TAFA4: variants seen among roughly 807,000 people sequenced by gnomAD.
TAFA4 encodes TAFA chemokine like family member 4.
TAFA4 carries 20 observed loss-of-function variants against 21.1 expected under a neutral mutation model. The observed-to-expected ratio is 0.95, with a 90% CI of 0.67 to 1.38. The LOEUF (loss-of-function observed/expected upper bound fraction) is 1.38. Among genes scored for constraint, TAFA4 ranks in the 40% most tolerant of loss-of-function variants. TAFA4 has a pLI of 0.00. For synonymous variants in TAFA4, 71 were observed against 67.4 expected (o/e 1.05, Z -0.26); for missense variants, 211 against 180.9 (o/e 1.17, Z -0.95).
intron 3 of TAFA4, among the ~76,000 whole-genome samples, chr3:68,822,986 T>C (rs1704145845): frequency 6.6e-6 from 1 of 152,192 alleles, no homozygotes; most frequent in African/African-American, 2.4e-5. Flanking sequence ...CCCAAATGAA[T>C]AGGAGCAGTC....
intron 3 of TAFA4, among the ~76,000 whole-genome samples, chr3:68,820,968 A>G (rs184486016): frequency 6.6e-6 from 1 of 152,356 alleles, no homozygotes; most frequent in East Asian, 1.9e-4. Context: ...AACTGTGTTT[A>G]TGCTGTACCA....
intron 1 of TAFA4, among the ~76,000 whole-genome samples, chr3:68,905,468 G>T (rs1413409714): frequency 6.6e-6 from 1 of 151,790 alleles, no homozygotes; most frequent in African/African-American, 2.4e-5. Context: ...GCGCCCGGCC[G>T]GTCTCTGCTT....
intron 3 of TAFA4, among the ~76,000 whole-genome samples, chr3:68,755,174 C>T (rs1410672914): frequency 1.3e-5 from 2 of 152,162 alleles, no homozygotes; most frequent in Non-Finnish European, 2.9e-5. Flanking sequence ...TTTATATCTC[C>T]CATCACCAAC....
chr3:68,737,081 G>C (rs984381566), intron 5 of TAFA4, among the ~76,000 whole-genome samples: 2 of 152,084 alleles, frequency 1.3e-5, no homozygotes, highest in African/African-American at 4.8e-5. Context: ...GTTCTACCAA[G>C]AGAACTACAG....
chr3:68,734,694 T>C (rs1426389873), intron 5 of TAFA4, among the ~76,000 whole-genome samples: 1 of 152,130 alleles, frequency 6.6e-6, no homozygotes, highest in Non-Finnish European at 1.5e-5. Flanking sequence ...TGTCTCCCTT[T>C]GCCTTAGTTT....
intron 3 of TAFA4, among the ~76,000 whole-genome samples, chr3:68,869,153 A>C (rs567275286): frequency 3.3e-5 from 5 of 152,166 alleles, no homozygotes; most frequent in African/African-American, 1.2e-4. Flanking sequence ...GCCAAGATTA[A>C]ACCAGGAAGA....
intron 4 of TAFA4, among the ~76,000 whole-genome samples, chr3:68,745,656 T>C (rs770000785): frequency 3.3e-5 from 5 of 152,378 alleles, no homozygotes; most frequent in Non-Finnish European, 5.9e-5. Flanking sequence ...ACATTTTCCT[T>C]ACTCTCTATT....
chr3:68,799,704 G>A (rs954436325), intron 3 of TAFA4, among the ~76,000 whole-genome samples: 9 of 152,172 alleles, frequency 5.9e-5, no homozygotes, highest in East Asian at 1.9e-4. Context: ...GAGAGGCCAC[G>A]TGCTAAGGAA....
chr3:68,827,464 G>A (rs1189759044), intron 3 of TAFA4, among the ~76,000 whole-genome samples: 2 of 152,194 alleles, frequency 1.3e-5, no homozygotes, highest in African/African-American at 4.8e-5. Context: ...TTGCCACACT[G>A]TCTTCCACAA....
chr3:68,735,091 C>T (rs552685752), intron 5 of TAFA4, among the ~76,000 whole-genome samples: 1 of 152,082 alleles, frequency 6.6e-6, no homozygotes, highest in African/African-American at 2.4e-5. Context: ...CATCAGGGTA[C>T]CCTGAGCATT....
At chr3:68,882,324 TA>T (rs11395664) in intron 2 of TAFA4, among the ~76,000 whole-genome samples, 176 of 146,530 alleles carry the variant, frequency 1.2e-3, no homozygotes, top group Middle Eastern at 3.5e-3. Context: ...ATCTGTGCTT[TA>T]AAAAAAAAAA....
intron 3 of TAFA4, among the ~76,000 whole-genome samples, chr3:68,855,464 C>T (rs1422552937): frequency 2.0e-5 from 3 of 151,968 alleles, no homozygotes; most frequent in East Asian, 1.9e-4. Flanking sequence ...ATTTAGCAAA[C>T]CCAAAATGCC....
chr3:68,800,320 G>A (rs530472499), intron 3 of TAFA4, among the ~76,000 whole-genome samples: 95 of 152,238 alleles, frequency 6.2e-4, no homozygotes, highest in African/African-American at 2.2e-3. Context: ...CCAGCACTAT[G>A]AGATGATAAA....
intron 5 of TAFA4, among the ~76,000 whole-genome samples, chr3:68,733,651 C>T (rs893976033): frequency 1.3e-5 from 2 of 152,050 alleles, no homozygotes; most frequent in Non-Finnish European, 2.9e-5. Context: ...GACATCCAGG[C>T]TCATTGCTTG....
intron 4 of TAFA4, among the ~76,000 whole-genome samples, chr3:68,748,262 T>C (rs1416440150): frequency 3.3e-5 from 5 of 152,242 alleles, no homozygotes; most frequent in Non-Finnish European, 4.4e-5. Flanking sequence ...CAAAGTGTTT[T>C]GGCAAAATCC....
At chr3:68,903,850 T>A (rs887108710) in intron 1 of TAFA4, among the ~76,000 whole-genome samples, 1 of 152,146 alleles carries the variant, frequency 6.6e-6, no homozygotes, top group African/African-American at 2.4e-5. Flanking sequence ...GGACTCTCCA[T>A]CCTCAGAGGT....
At chr3:68,848,795 G>C (rs898148071) in intron 3 of TAFA4, among the ~76,000 whole-genome samples, 2 of 152,034 alleles carry the variant, frequency 1.3e-5, no homozygotes, top group African/African-American at 4.8e-5. Flanking sequence ...ATGTCCTCCA[G>C]CATGACCATC....
At chr3:68,910,313 G>A (rs1345227850) in intron 1 of TAFA4, among the ~76,000 whole-genome samples, 1 of 152,130 alleles carries the variant, frequency 6.6e-6, no homozygotes, top group African/African-American at 2.4e-5. Context: ...CTGTGACAGT[G>A]ACCTTAGCAA....
intron 1 of TAFA4, among the ~76,000 whole-genome samples, chr3:68,886,180 C>T (rs909786627): frequency 3.3e-5 from 5 of 152,174 alleles, no homozygotes; most frequent in African/African-American, 1.2e-4. Flanking sequence ...CACCACCAAG[C>T]ACAACTGAGA....
Sources: gnomAD v4.1 joint callset for allele counts (sites outside exome capture counted in the v4.1 genomes callset) on GRCh38, gnomAD v4.1.1 for gene constraint, MANE v1.5 for transcripts, NCBI Gene and HGNC (gene_info 2026-07-23, HGNC 2026-07-21) for gene names.